Variants in TRIM26 observed in about 807,000 individuals in gnomAD.
TRIM26 encodes the protein tripartite motif-containing protein 26.
Under a neutral mutation model 45.5 loss-of-function variants are expected in TRIM26, and 16 were observed. The observed-to-expected ratio is 0.35, with a 90% confidence interval of 0.24 to 0.53. The LOEUF (loss-of-function observed/expected upper bound fraction) is 0.53. TRIM26 is among the 20% of genes least tolerant of loss of function. The probability of loss-of-function intolerance (pLI) is 0.92; values close to 1 mark genes in which losing one functional copy is unlikely to be tolerated. For missense variants in TRIM26, 442 were observed against 691.1 expected, an observed-to-expected ratio of 0.64 and a Z score of 4.04; for synonymous variants, 273 against 290.4, an observed-to-expected ratio of 0.94 and a Z score of 0.61.
intron 2 of TRIM26, among the ~76,000 whole-genome samples, chr6:30,203,396 T>G (rs1777395312): frequency 6.6e-6 from 1 of 151,858 alleles, no homozygotes; most frequent in African/African-American, 2.4e-5. Context: ...AGAATGCCTA[T>G]ACTTCTTATT....
chr6:30,205,892 G>A (rs1269408149), intron 1 of TRIM26, among the ~76,000 whole-genome samples: 1 of 152,112 alleles, frequency 6.6e-6, no homozygotes, highest in Non-Finnish European at 1.5e-5. Context: ...AATCCCAAAT[G>A]TGGACTCTGG....
At chr6:30,212,915 CAAAA>C (rs3059548) in intron 1 of TRIM26, among the ~76,000 whole-genome samples, 92 of 130,238 alleles carry the variant, frequency 7.1e-4, no homozygotes, top group African/African-American at 9.4e-4. Context: ...TTACTCCGAA[CAAAA>C]AAAAAAAAAA....
rs1180084305 is a variant in TRIM26, at chr6:30,211,927, G to A, written c.-376+1378C>T. Among the ~76,000 whole-genome samples, 4 of 152,158 alleles carry A rather than the reference G, an allele frequency of 2.6e-5. No homozygotes were observed. The South Asian group carries it at 8.3e-4, about 32-fold the overall frequency. ...TATGTAGATACTTGCCCTCAAGAAG[G>A]GGGAATATAACTCTTGGCTCCCTAG... On this transcript the variant is annotated intron_variant, in intron 1 of 9. Transcript: ENST00000454678.
At position 30,186,217 on chromosome 6, in the gene TRIM26, C is replaced by T. The variant is rs763640705; in HGVS notation, c.1279G>A (p.Glu427Lys). ...ESLGDEEEEE[E>K]EEEEEVLESC... is the part of the protein sequence containing the mutation. ...TCCAGAACTTCCTCCTCTTCCTCCT[C>T]CTCTTCTTCCTCTTCATCGCCCAAC... Residue 427 changes from glutamate (E) to lysine (K), a missense_variant, in exon 10 of 10, where the codon GAG (glutamate) becomes AAG (lysine). Glu to Lys is a moderately conservative substitution (Grantham distance 56). Transcript: ENST00000454678. This position sits in a 1 kb window ranked among gnomAD's most constrained non-coding sequence, Gnocchi z 7.4. 6.3e-7 allele frequency: 1 copy of T among 1,596,046 alleles called. No individual in the cohort carries two copies. Among genetic ancestry groups the T allele is most frequent in the Non-Finnish European group, 8.5e-7 (1 of 1,171,022 alleles).
chr6:30,186,157 TCA>T lies in TRIM26; in HGVS notation c.1337_1338del (p.Val446GlufsTer33). 6.3e-7 allele frequency: 1 copy of T among 1,595,502 alleles called. No individual in the cohort carries two copies. The highest frequency in any genetic ancestry group is 8.5e-7 in the Non-Finnish European group (1 of 1,170,574). ...CGCAGGGAGAGGTCTCCCTTCCTCT[TCA>T]CAGAGTCTCTAGCCACCCCCACCAT... Reference protein sequence around the residue: ...SCMVGVARDSVKRKGDLSLRP... With the variant: ...SCMVGVARDSXKRKGDLSLRP... On this transcript the variant is annotated frameshift_variant, in exon 10 of 10. Transcript: ENST00000454678. LOFTEE classifies it high-confidence loss of function. The surrounding 1 kb of genome is among the most constrained non-coding windows in gnomAD (Gnocchi z 7.4).
intron 2 of TRIM26, among the ~76,000 whole-genome samples, chr6:30,204,225 A>G (rs1777490920): frequency 6.6e-6 from 1 of 152,160 alleles, no homozygotes; most frequent in South Asian, 2.1e-4. Flanking sequence ...CATGGCTAGG[A>G]AGCAGTGTCT....
intron 1 of TRIM26, among the ~76,000 whole-genome samples, chr6:30,211,392 C>A (rs188202987): frequency 3.5e-4 from 53 of 152,264 alleles, no homozygotes; most frequent in Admixed American, 1.6e-3. Context: ...TTCTCTGTGT[C>A]TTTTCTATTC....
At chr6:30,202,563 C>T (rs761930360) in intron 2 of TRIM26, among the ~76,000 whole-genome samples, 14 of 152,210 alleles carry the variant, frequency 9.2e-5, no homozygotes, top group Admixed American at 3.9e-4. Flanking sequence ...CATCAGCAGA[C>T]GGGGCAAAGT....
chr6:30,200,452 T>G (rs754447557), intron 3 of TRIM26, among the ~76,000 whole-genome samples: 4 of 152,220 alleles, frequency 2.6e-5, no homozygotes, highest in Non-Finnish European at 5.9e-5. Flanking sequence ...TTGCTTCCCC[T>G]AGAAGGCTGG....
At chr6:30,188,645 A>G (rs1775475970) in intron 9 of TRIM26, 1 of 221,082 alleles carries the variant, frequency 4.5e-6, no homozygotes, top group Non-Finnish European at 9.4e-6. Flanking sequence ...TCACGAAAGC[A>G]AGTGTGAAAG....
chr6:30,211,474 G>T (rs149104947), intron 1 of TRIM26, among the ~76,000 whole-genome samples: 1 of 152,148 alleles, frequency 6.6e-6, no homozygotes, highest in Non-Finnish European at 1.5e-5. Flanking sequence ...CTCTTCGGGG[G>T]TTTGCAGTGT....
rs114817371 is a variant in TRIM26, at chr6:30,209,458, G to A, written c.-376+3847C>T. ...GGTCTTTAAGACGTGACTGGGTCATGAGGGTGTAACTCTCATGAATGGATT... is the reference window on the plus strand; with the variant it reads ...GGTCTTTAAGACGTGACTGGGTCATAAGGGTGTAACTCTCATGAATGGATT... On this transcript the variant is annotated intron_variant, in intron 1 of 9. Coordinates refer to ENST00000454678, the MANE Select transcript of TRIM26 (RefSeq NM_003449.5). The surrounding 1 kb of genome is among the most constrained non-coding windows in gnomAD (Gnocchi z 4.8). 6.9e-3 allele frequency among the ~76,000 whole-genome samples: 1,056 copies of A among 152,280 alleles called. 7 individuals carry two copies. Among genetic ancestry groups the A allele is most frequent in the African/African-American group, 0.016 (646 of 41,558 alleles).
At chr6:30,202,386 T>C (rs1468134878) in intron 2 of TRIM26, among the ~76,000 whole-genome samples, 1 of 152,240 alleles carries the variant, frequency 6.6e-6, no homozygotes, top group Non-Finnish European at 1.5e-5. Context: ...ACTGCCATTA[T>C]AATAGCACAA....
chr6:30,191,444 T>A (rs1775828901), intron 6 of TRIM26, among the ~76,000 whole-genome samples: 2 of 147,560 alleles, frequency 1.4e-5, no homozygotes, highest in African/African-American at 2.5e-5. Context: ...GACAAATCCC[T>A]ACTTCTGTAG....
At chr6:30,194,340 AGTTG>A (rs2127498869) in intron 6 of TRIM26, among the ~76,000 whole-genome samples, 2 of 152,284 alleles carry the variant, frequency 1.3e-5, no homozygotes, top group Non-Finnish European at 1.5e-5. Flanking sequence ...GGTGGGGAGA[AGTTG>A]GTTAACAGAT....
rs779587099 is a variant in TRIM26, at chr6:30,190,203, AAAAC to A, written c.766-172_766-169del. 7 of 704,530 alleles carry A rather than the reference AAAAC, an allele frequency of 9.9e-6. No homozygotes were observed. The highest frequency in any genetic ancestry group is 1.7e-5 in the Non-Finnish European group (7 of 420,278). 43.6% of individuals were successfully genotyped at this position (704,530 alleles called of 1,614,324 possible). ...TGGGGTCACTGCATAAAACAACAAG[AAAAC>A]AAACAAAATCGGCACAATGACAGAA... On this transcript the variant is annotated intron_variant, in intron 6 of 9. Transcript: ENST00000454678. The surrounding 1 kb of genome is among the most constrained non-coding windows in gnomAD (Gnocchi z 4.3).
intron 9 of TRIM26, chr6:30,187,531 T>A: frequency 2.0e-6 from 1 of 511,428 alleles, no homozygotes; most frequent in Non-Finnish European, 4.0e-6. Flanking sequence ...TCATATTCAG[T>A]CCGACATCTT....
chr6:30,195,581 G>A (rs1776375033), intron 6 of TRIM26, among the ~76,000 whole-genome samples: 2 of 152,164 alleles, frequency 1.3e-5, no homozygotes, highest in African/African-American at 4.8e-5. Context: ...ACAACAATGA[G>A]GAGCAGGTGG....
chr6:30,189,952 C>T lies in TRIM26; in HGVS notation c.788+61G>A. On this transcript the variant is annotated intron_variant, in intron 7 of 9. Coordinates refer to ENST00000454678, the MANE Select transcript of TRIM26 (RefSeq NM_003449.5). The surrounding 1 kb of genome is among the most constrained non-coding windows in gnomAD (Gnocchi z 5.0). Reference sequence around the variant, plus strand: ...CCCCATGAATTCAAATGCACCTGGTCAGAAGCGGGGGAACATAAACAAGGG... The same window carrying T: ...CCCCATGAATTCAAATGCACCTGGTTAGAAGCGGGGGAACATAAACAAGGG... 1 of 1,602,698 alleles carries T rather than the reference C, an allele frequency of 6.2e-7. No individual in the cohort carries two copies. Among genetic ancestry groups the T allele is most frequent in the Non-Finnish European group, 8.5e-7 (1 of 1,170,864 alleles).
Sources: allele counts gnomAD v4.1 joint callset (sites outside exome capture counted in the v4.1 genomes callset), GRCh38; gene constraint gnomAD v4.1.1; non-coding constraint Gnocchi (gnomAD v3.1); transcripts MANE v1.5; gene names NCBI Gene and HGNC (gene_info 2026-07-23, HGNC 2026-07-21).